The following GTF2A1 variants were observed in gnomAD, a reference collection of about 807,000 sequenced individuals.
GTF2A1 encodes the protein transcription initiation factor IIA subunit 1.
In GTF2A1, 12 loss-of-function variants were observed where a neutral mutation model predicts 54.1. That is an observed-to-expected ratio of 0.22 (90% CI 0.14 to 0.36). The LOEUF (loss-of-function observed/expected upper bound fraction) is 0.36, where lower values mean the gene tolerates loss of function less well. Ranked by LOEUF, GTF2A1 falls within the 10% of genes least tolerant of loss-of-function variation. The probability of loss-of-function intolerance (pLI) is 1.00; values close to 1 mark genes in which losing one functional copy is unlikely to be tolerated. For missense variants in GTF2A1, 335 were observed against 442.2 expected, an observed-to-expected ratio of 0.76 and a Z score of 2.17; for synonymous variants, 145 against 152.0, an observed-to-expected ratio of 0.95 and a Z score of 0.34.
intron 2 of GTF2A1, 39 bp downstream of exon 2, chr14:81,216,374 G>T: frequency 1.2e-6 from 1 of 859,666 alleles, no homozygotes; most frequent in South Asian, 1.4e-5. Flanking sequence ...TGTTTTGTGG[G>T]GGAAAAGTAG....
In GTF2A1 at chr14:81,191,506, A is replaced by C. The variant is rs1005289113; in HGVS notation, c.933+1013T>G. Among the ~76,000 whole-genome samples the C allele has an allele frequency of 2.6e-5, 4 of 152,334 alleles. No homozygotes were observed. In the South Asian group the frequency reaches 8.3e-4, roughly 32 times the overall value. ...TAGCTATATGCAACAACTTGGATAA[A>C]CCTCAGGAATATCATTTTAAGGGGA... On this transcript the variant is annotated intron_variant, in intron 7 of 8. Transcript: ENST00000553612.
At chr14:81,206,992 AGG>A (rs1291043486) in intron 2 of GTF2A1, among the ~76,000 whole-genome samples, 1 of 152,344 alleles carries the variant, frequency 6.6e-6, no homozygotes, top group Admixed American at 6.5e-5. Flanking sequence ...TTAATTCTTA[AGG>A]AGGGTCCTAG....
rs1000164876 is a variant in GTF2A1 at position 81,179,548 on chromosome 14, A to G, written c.*675T>C. ...AGACCCAAGTCTTTAATTACATTTA[A>G]TAAGTATGAAAACCTAATTAAAATA... On this transcript the variant is annotated 3_prime_UTR_variant, in exon 9 of 9. Coordinates refer to ENST00000553612, the MANE Select transcript of GTF2A1 (RefSeq NM_015859.4). 1.3e-5 allele frequency: 2 copies of G among 152,240 alleles called. No homozygotes were observed. The highest frequency in any genetic ancestry group is 6.5e-5 in the Admixed American group (1 of 15,290). 9.4% of individuals were successfully genotyped at this position (152,240 alleles called of 1,614,324 possible).
chr14:81,213,087 T>C (rs1012460007), intron 2 of GTF2A1, among the ~76,000 whole-genome samples: 2 of 152,176 alleles, frequency 1.3e-5, no homozygotes, highest in African/African-American at 2.4e-5. Flanking sequence ...AACAAGAATA[T>C]TACACTATTT....
intron 2 of GTF2A1, 140 bp downstream of exon 2, chr14:81,216,273 T>C (rs910238583): frequency 6.9e-6 from 4 of 576,408 alleles, no homozygotes; most frequent in African/African-American, 5.7e-5. Flanking sequence ...GAAGAATGCA[T>C]GGCAGAGTTG....
At chr14:81,204,282 G>GT (rs1893182056) in intron 2 of GTF2A1, 178 bp from the exon 3 acceptor site, 1 of 742,474 alleles carries the variant, frequency 1.3e-6, no homozygotes, top group Admixed American at 1.8e-5. Context: ...AAATTTTAAA[G>GT]TATCAAACCT....
At chr14:81,201,206 G>C (rs1208708496) in intron 4 of GTF2A1, among the ~76,000 whole-genome samples, 1 of 152,036 alleles carries the variant, frequency 6.6e-6, no homozygotes, top group African/African-American at 2.4e-5. Context: ...TAGTTATACT[G>C]AACTATCCAG....
rs1220120090 is a variant in GTF2A1 at position 81,204,031 on chromosome 14, T to G, written c.206A>C (p.Gln69Pro). 1 of 1,613,874 alleles carries G rather than the reference T, an allele frequency of 6.2e-7. No individual in the cohort carries two copies. Among genetic ancestry groups the G allele is most frequent in the Non-Finnish European group, 8.5e-7 (1 of 1,179,748 alleles). The change falls in exon 3 of 9, where the codon CAA (glutamine) becomes CCA (proline). Residue 69 changes from glutamine to proline, a missense_variant. Physicochemically the swap from Gln to Pro is moderately conservative, Grantham distance 76. This residue lies in a region of GTF2A1 where 306 missense variants were observed against 360.4 expected (regional missense o/e 0.85). Transcript: ENST00000553612. ...FHSEEQQLLLQVQQQHQPQQQ... is the reference protein window; with the variant it reads ...FHSEEQQLLLPVQQQHQPQQQ... ...CTGGGGTTGATGCTGCTGTTGAACTTGCAGTAGAAGCTGCTGCTCTTCTGA... is the reference window on the plus strand; with the variant it reads ...CTGGGGTTGATGCTGCTGTTGAACTGGCAGTAGAAGCTGCTGCTCTTCTGA...
At chr14:81,221,027 C>T (rs1893635887), upstream of GTF2A1, 1 of 153,430 alleles carries the variant, frequency 6.5e-6, no homozygotes. Flanking sequence ...CGCGAGACAC[C>T]GCGAGAGCCG....
chr14:81,184,789 C>A (rs1444800766), intron 8 of GTF2A1, among the ~76,000 whole-genome samples: 5 of 152,054 alleles, frequency 3.3e-5, no homozygotes, highest in Non-Finnish European at 7.4e-5. Flanking sequence ...GAATTTTTAG[C>A]ATTTGGTAAA....
intron 2 of GTF2A1, among the ~76,000 whole-genome samples, chr14:81,213,091 A>C (rs1023719227): frequency 1.3e-5 from 2 of 152,196 alleles, no homozygotes; most frequent in African/African-American, 4.8e-5. Context: ...AGAATATTAC[A>C]CTATTTTGTT....
chr14:81,201,519 G>T, intron 4 of GTF2A1, 75 bp downstream of exon 4: 1 of 829,278 alleles, frequency 1.2e-6, no homozygotes. Context: ...GTTAATATAG[G>T]ACATATATAG....
chr14:81,188,825 A>G (rs781483491), intron 7 of GTF2A1, among the ~76,000 whole-genome samples: 3 of 151,492 alleles, frequency 2.0e-5, no homozygotes, highest in Non-Finnish European at 4.4e-5. Flanking sequence ...ATTTACCCCT[A>G]TGTTTTCTTC....
intron 1 of GTF2A1, 56 bp downstream of exon 1, chr14:81,220,433 C>G (rs1893604160): frequency 1.5e-6 from 2 of 1,326,192 alleles, no homozygotes; most frequent in South Asian, 1.4e-5. Flanking sequence ...CCGCCCGGTC[C>G]GGCCGTTGCT....
Position 81,204,258 on chromosome 14 carries a change from CAAT to C in GTF2A1, c.133-157_133-155del, listed in dbSNP as rs568645422. ...ATCTGTAATTCTAACCCAAGTGAAA[CAAT>C]AACAAAAACAAAATTTTAAAGTATC... On this transcript the variant is annotated intron_variant, in intron 2 of 8. Transcript: ENST00000553612. 4 of 770,622 alleles carry C rather than the reference CAAT, an allele frequency of 5.2e-6. No homozygotes were observed. The East Asian group carries it at 9.8e-5, about 19-fold the overall frequency. 47.7% of individuals were successfully genotyped at this position (770,622 alleles called of 1,614,324 possible).
intron 2 of GTF2A1, among the ~76,000 whole-genome samples, chr14:81,204,861 TAACAC>T (rs1369066457): frequency 6.6e-6 from 1 of 152,218 alleles, no homozygotes; most frequent in African/African-American, 2.4e-5. Flanking sequence ...TTCTTCTACC[TAACAC>T]ATTTCCTCTC....
Position 81,175,998 on chromosome 14 carries a change from T to C in GTF2A1, c.*4225A>G, listed in dbSNP as rs983020157. 1 of 152,200 alleles carries C rather than the reference T, an allele frequency of 6.6e-6. No homozygotes were observed. Among genetic ancestry groups the C allele is most frequent in the Non-Finnish European group, 1.5e-5 (1 of 68,006 alleles). 9.4% of individuals were successfully genotyped at this position (152,200 alleles called of 1,614,324 possible). A position where few individuals can be genotyped will look rare whatever the true frequency, so the allele number is the denominator to read the frequency against. On this transcript the variant is annotated 3_prime_UTR_variant, in exon 9 of 9. Transcript: ENST00000553612. ...TCAAATTGACATCTCAATCTACTTATCTTTAAGGTACAGAATTTAGCATCT... is the reference window on the plus strand; with the variant it reads ...TCAAATTGACATCTCAATCTACTTACCTTTAAGGTACAGAATTTAGCATCT...
intron 2 of GTF2A1, among the ~76,000 whole-genome samples, chr14:81,213,591 TAC>T (rs1893421563): frequency 6.6e-6 from 1 of 152,150 alleles, no homozygotes; most frequent in Admixed American, 6.5e-5. Flanking sequence ...CATTCCACGT[TAC>T]ACTAAGGAAT....
chr14:81,175,644 A>G lies in GTF2A1; in HGVS notation c.*4579T>C, dbSNP rs1892510515. The G allele has an allele frequency of 6.6e-6, 1 of 152,216 alleles. No homozygotes were observed. The highest frequency in any genetic ancestry group is 1.5e-5 in the Non-Finnish European group (1 of 68,028). 9.4% of individuals were successfully genotyped at this position (152,216 alleles called of 1,614,324 possible). On this transcript the variant is annotated 3_prime_UTR_variant, in exon 9 of 9. Coordinates refer to ENST00000553612, the MANE Select transcript of GTF2A1 (RefSeq NM_015859.4). ...TAAAATAACACAAAATATATTCAAT[A>G]CGCAATACAAACCTCAGTAATCCAA...
Sources: allele counts gnomAD v4.1 joint callset (sites outside exome capture counted in the v4.1 genomes callset), GRCh38; gene constraint gnomAD v4.1.1; regional missense constraint gnomAD v4.1.1; transcripts MANE v1.5; gene names NCBI Gene and HGNC (gene_info 2026-07-23, HGNC 2026-07-21).